DNAH8: variants seen among roughly 807,000 people sequenced by gnomAD.
DNAH8 encodes axonemal beta dynein heavy chain 8.
In DNAH8, 382 loss-of-function variants were observed where a neutral mutation model predicts 562.1. That is an observed-to-expected ratio of 0.68 (90% CI 0.63 to 0.74). The LOEUF is 0.74. Among genes scored for constraint, DNAH8 ranks in the 30% least tolerant of loss-of-function variants. DNAH8 has a pLI of 0.00. For synonymous variants in DNAH8, 1,881 were observed against 1,919.4 expected (o/e 0.98, Z 0.52); for missense variants, 5,203 against 5,620.4 (o/e 0.93, Z 2.37).
intron 12 of DNAH8, among the ~76,000 whole-genome samples, chr6:38,774,658 TGGAGCCA>T (rs552472386): frequency 2.7e-4 from 41 of 152,334 alleles, no homozygotes; most frequent in African/African-American, 9.4e-4. Flanking sequence ...CTCTGGCTGT[TGGAGCCA>T]GGTGGTAGAG....
chr6:38,896,171 A>G lies in DNAH8; in HGVS notation c.8886A>G (p.Pro2962=). 6.2e-7 allele frequency: 1 copy of G among 1,614,130 alleles called. No homozygotes were observed. The highest frequency in any genetic ancestry group is 1.1e-5 in the South Asian group (1 of 91,070). Residue 2962 remains proline, a synonymous_variant, in exon 60 of 93, where the codon CCA becomes CCG. Transcript: ENST00000327475. ...FVDFLREMPE[P]TGDEPEDSVF... is the part of the protein sequence containing the mutation. Reference sequence around the variant, plus strand: ...ATTTTCTTCGTGAGATGCCAGAACCAACTGGTGATGAACCTGAAGACTCTG... The same window carrying G: ...ATTTTCTTCGTGAGATGCCAGAACCGACTGGTGATGAACCTGAAGACTCTG...
chr6:38,819,850 A>G (rs1422665951), intron 26 of DNAH8, among the ~76,000 whole-genome samples: 1 of 152,198 alleles, frequency 6.6e-6, no homozygotes, highest in Non-Finnish European at 1.5e-5. Context: ...AATGTATAAT[A>G]GAAACACAGA....
rs376781077 is a variant in DNAH8 at position 38,868,163 on chromosome 6, G to T, written c.6795G>T (p.Met2265Ile). ...RPEDSELSIV[M>I]RGLRDMNLSK... ...AAGATAGTGAATTAAGCATTGTCAT[G>T]AGAGGACTAAGAGATATGAACCTTT... is the stretch of plus-strand genomic sequence containing the variant. The change falls in exon 48 of 93, where the codon ATG becomes ATT. Residue 2265 changes from methionine to isoleucine, a missense_variant. Met to Ile is a conservative substitution (Grantham distance 10, BLOSUM62 1). Coordinates refer to ENST00000327475, the MANE Select transcript of DNAH8 (RefSeq NM_001206927.2). The T allele has an allele frequency of 1.9e-5, 31 of 1,613,694 alleles. No homozygotes were observed. Among genetic ancestry groups the T allele is most frequent in the Non-Finnish European group, 2.5e-5 (29 of 1,179,816 alleles).
At chr6:38,809,514 G>T (rs1427644225) in intron 24 of DNAH8, among the ~76,000 whole-genome samples, 1 of 152,108 alleles carries the variant, frequency 6.6e-6, no homozygotes, top group African/African-American at 2.4e-5. Flanking sequence ...GAGGTCAGGT[G>T]GGGGAGTTAT....
intron 84 of DNAH8, 137 bp downstream of exon 84, chr6:38,973,950 T>C (rs1763509309): frequency 5.0e-6 from 3 of 597,190 alleles, no homozygotes; most frequent in Non-Finnish European, 8.4e-6. Flanking sequence ...TATAATACTA[T>C]AATCATCAAA....
intron 80 of DNAH8, among the ~76,000 whole-genome samples, chr6:38,946,950 G>C (rs564910182): frequency 9.9e-5 from 15 of 152,256 alleles, no homozygotes; most frequent in African/African-American, 3.6e-4. Flanking sequence ...ATTTATTATT[G>C]TTTGCCTCTG....
chr6:38,984,686 G>A (rs1764263343), intron 87 of DNAH8, among the ~76,000 whole-genome samples: 1 of 152,184 alleles, frequency 6.6e-6, no homozygotes, highest in Non-Finnish European at 1.5e-5. Flanking sequence ...AGCTACTTAG[G>A]AGGCTGAGGC....
chr6:38,736,791 T>C (rs1764131531), intron 5 of DNAH8, among the ~76,000 whole-genome samples: 1 of 152,138 alleles, frequency 6.6e-6, no homozygotes, highest in African/African-American at 2.4e-5. Flanking sequence ...GTCCCTCACC[T>C]TGAATAGGCT....
intron 21 of DNAH8, among the ~76,000 whole-genome samples, chr6:38,793,048 C>G (rs1177787546): frequency 6.6e-6 from 1 of 152,216 alleles, no homozygotes; most frequent in Non-Finnish European, 1.5e-5. Flanking sequence ...TCCCAAAGTG[C>G]TGGGATTACA....
At chr6:38,852,412 G>A (rs75509356) in intron 39 of DNAH8, among the ~76,000 whole-genome samples, 2,300 of 152,180 alleles carry the variant, frequency 0.015, 92 homozygotes, top group East Asian at 0.14. Context: ...GGGAGGCGGT[G>A]TGGTCCAGTC....
chr6:38,931,841 A>G lies in DNAH8; in HGVS notation c.11305A>G (p.Met3769Val). The change falls in exon 76 of 93, where the codon ATG becomes GTG. Residue 3769 changes from methionine to valine, a missense_variant. This residue lies in a region of DNAH8 where 1,399 missense variants were observed against 1,518.4 expected (regional missense o/e 0.92). Transcript: ENST00000327475. ...VKVGDKECDI[M>V]DTFKLYITTK... ...AGTCGGTGATAAGGAATGTGATATC[A>G]TGGATACATTTAAACTTTACATTAC... 1 of 1,601,316 alleles carries G rather than the reference A, an allele frequency of 6.2e-7. No homozygotes were observed. The highest frequency in any genetic ancestry group is 8.5e-7 in the Non-Finnish European group (1 of 1,175,440).
intron 41 of DNAH8, among the ~76,000 whole-genome samples, chr6:38,853,691 C>G (rs921889211): frequency 6.6e-6 from 1 of 151,708 alleles, no homozygotes; most frequent in Non-Finnish European, 1.5e-5. Flanking sequence ...CCAACAAACT[C>G]ATCATAGTTG....
rs115383767 is a variant in DNAH8, at chr6:38,944,790, G to A, written c.12008-677G>A. ...GGAACATGTCAAACACCTGGAGGGC[G>A]CTCAATAAATATTTGTTCAATCAAT... On this transcript the variant is annotated intron_variant, in intron 79 of 92. Transcript: ENST00000327475. Among the ~76,000 whole-genome samples the A allele has an allele frequency of 3.0e-4, 46 of 152,154 alleles. No individual in the cohort carries two copies. In the East Asian group the frequency reaches 8.1e-3, roughly 27 times the overall value.
rs550669891 is a variant in DNAH8 at position 38,723,240 on chromosome 6, T to G, written c.390+41T>G. 5 of 1,580,860 alleles carry G rather than the reference T, an allele frequency of 3.2e-6. No homozygotes were observed. In the East Asian group the frequency reaches 6.7e-5, roughly 21 times the overall value. ...GATTTTTCATGTGTGCCACTTTTCC[T>G]TATCAAATACGAAATACTTTTACTT... On this transcript the variant is annotated intron_variant, in intron 2 of 92. Transcript: ENST00000327475.
At chr6:38,975,121 C>G (rs1289854855) in intron 85 of DNAH8, among the ~76,000 whole-genome samples, 1 of 152,164 alleles carries the variant, frequency 6.6e-6, no homozygotes, top group Non-Finnish European at 1.5e-5. Flanking sequence ...AGCTCCCTGT[C>G]TTTCTCAAGT....
intron 88 of DNAH8, among the ~76,000 whole-genome samples, chr6:38,992,926 G>A (rs1371700784): frequency 6.6e-6 from 1 of 152,074 alleles, no homozygotes; most frequent in Non-Finnish European, 1.5e-5. Context: ...AATTGTTCAT[G>A]TTTTGATCCA....
chr6:39,004,427 A>G (rs1325225252), intron 88 of DNAH8, among the ~76,000 whole-genome samples: 1 of 152,206 alleles, frequency 6.6e-6, no homozygotes, highest in Non-Finnish European at 1.5e-5. Flanking sequence ...ACCTTCCAAC[A>G]GAATAACCTC....
chr6:38,772,998 T>G (rs972221252), intron 12 of DNAH8, among the ~76,000 whole-genome samples: 1 of 109,616 alleles, frequency 9.1e-6, no homozygotes, highest in African/African-American at 3.5e-5. Flanking sequence ...TTTTTTTTTT[T>G]GTAGAGATGG....
intron 9 of DNAH8, among the ~76,000 whole-genome samples, chr6:38,751,026 C>G (rs947052891): frequency 6.6e-6 from 1 of 152,172 alleles, no homozygotes; most frequent in Non-Finnish European, 1.5e-5. Flanking sequence ...CAAATAACCT[C>G]AGAACTGAGT....
Sources: allele counts gnomAD v4.1 joint callset (sites outside exome capture counted in the v4.1 genomes callset), GRCh38; gene constraint gnomAD v4.1.1; regional missense constraint gnomAD v4.1.1; transcripts MANE v1.5; gene names NCBI Gene and HGNC (gene_info 2026-07-23, HGNC 2026-07-21).